The following MARCHF1 variants were observed in gnomAD, a reference collection of about 807,000 sequenced individuals.
The protein encoded by MARCHF1 is E3 ubiquitin-protein ligase MARCHF1.
A neutral mutation model predicts 54.2 loss-of-function variants in MARCHF1; 40 were observed. The observed-to-expected ratio is 0.74, with a 90% CI of 0.57 to 0.96. MARCHF1 has a LOEUF of 0.96. MARCHF1 is among the 40% of genes least tolerant of loss of function. The probability of loss-of-function intolerance (pLI) is 0.00; values close to 1 mark genes in which losing one functional copy is unlikely to be tolerated. For synonymous variants in MARCHF1, 236 were observed against 236.3 expected (o/e 1.00, Z 0.01); for missense variants, 586 against 656.5 (o/e 0.89, Z 1.17).
At position 163,701,832 on chromosome 4, in the gene MARCHF1, C is replaced by T. The variant is rs185529585; in HGVS notation, c.112-969G>A. 7.5e-3 allele frequency among the ~76,000 whole-genome samples: 950 copies of T among 126,896 alleles called. 3 individuals carry two copies. Among genetic ancestry groups the T allele is most frequent in the Middle Eastern group, 0.019 (5 of 262 alleles). 83.2% of individuals were successfully genotyped at this position (126,896 alleles called of 152,430 possible). A position where few individuals can be genotyped will look rare whatever the true frequency, so the allele number is the denominator to read the frequency against. On this transcript the variant is annotated intron_variant, in intron 4 of 9. Coordinates refer to ENST00000514618, the MANE Select transcript of MARCHF1 (RefSeq NM_001394959.1). ...GAAATAATTTACCAATGTAAGAATT[C>T]CTTTTGTTTTTTTTTTAACTTCTGG...
At chr4:164,212,959 C>T (rs1731819711) in intron 1 of MARCHF1, among the ~76,000 whole-genome samples, 2 of 152,088 alleles carry the variant, frequency 1.3e-5, no homozygotes, top group South Asian at 4.1e-4. Context: ...TGACTGTATA[C>T]ACATATTTTT....
intron 1 of MARCHF1, among the ~76,000 whole-genome samples, chr4:164,357,937 C>T (rs547863827): frequency 7.2e-5 from 11 of 152,240 alleles, no homozygotes; most frequent in Admixed American, 2.0e-4. Context: ...GTTTCAGATT[C>T]TCCCACAGAG....
At chr4:164,158,452 C>A (rs1730135078) in intron 1 of MARCHF1, among the ~76,000 whole-genome samples, 1 of 151,988 alleles carries the variant, frequency 6.6e-6, no homozygotes, top group Non-Finnish European at 1.5e-5. Context: ...ACCAGCCTGA[C>A]CAATACGATG....
rs559820503 is a variant in MARCHF1, at chr4:164,143,698, A to G, written c.-322-32036T>C. Among the ~76,000 whole-genome samples, 1,210 of 152,304 alleles carry G rather than the reference A, an allele frequency of 7.9e-3. 13 individuals are homozygous for G. The highest frequency in any genetic ancestry group is 0.025 in the African/African-American group (1,029 of 41,556). On this transcript the variant is annotated intron_variant, in intron 1 of 9. Coordinates refer to ENST00000514618, the MANE Select transcript of MARCHF1 (RefSeq NM_001394959.1). ...CGCTAAACATGGAAAGGAACAACCG[A>G]TACCAGCCGCTGCAAAATCATGCCA...
intron 1 of MARCHF1, among the ~76,000 whole-genome samples, chr4:164,283,509 A>C (rs1393018974): frequency 1.3e-5 from 2 of 151,016 alleles, no homozygotes; most frequent in African/African-American, 4.9e-5. Flanking sequence ...AGAACACCGG[A>C]AAAGGACAAG....
chr4:163,941,161 CTT>C (rs1355361193), intron 3 of MARCHF1, among the ~76,000 whole-genome samples: 4 of 152,022 alleles, frequency 2.6e-5, no homozygotes, highest in African/African-American at 9.6e-5. Context: ...AAGTCTATGT[CTT>C]TATCTAAAAT....
At chr4:163,717,349 G>C (rs1301666422) in intron 4 of MARCHF1, among the ~76,000 whole-genome samples, 17 of 151,770 alleles carry the variant, frequency 1.1e-4, no homozygotes, top group Middle Eastern at 6.8e-3. Flanking sequence ...TGGCTGCATA[G>C]TATTCCAGGG....
chr4:163,994,765 AC>A (rs1423539576), intron 2 of MARCHF1, among the ~76,000 whole-genome samples: 8 of 110,446 alleles, frequency 7.2e-5, no homozygotes, highest in African/African-American at 2.2e-4. Context: ...ACACACACAC[AC>A]ACACACACAC....
At position 163,955,223 on chromosome 4, in the gene MARCHF1, A is replaced by G. The variant is rs143188879; in HGVS notation, c.-39+33278T>C. On this transcript the variant is annotated intron_variant, in intron 3 of 9. Transcript: ENST00000514618. Reference sequence around the variant, plus strand: ...TCCTTACTGAACATTAAAAAAAAAAAAAAAAAGAAAAGAAACACAGTGTTC... The same window carrying G: ...TCCTTACTGAACATTAAAAAAAAAAGAAAAAAGAAAAGAAACACAGTGTTC... Among the ~76,000 whole-genome samples the G allele has an allele frequency of 6.5e-3, 988 of 151,176 alleles. 6 individuals carry two copies. The highest frequency in any genetic ancestry group is 0.01 in the Non-Finnish European group (697 of 67,728).
At chr4:163,888,073 T>C (rs977591883) in intron 3 of MARCHF1, among the ~76,000 whole-genome samples, 2 of 152,186 alleles carry the variant, frequency 1.3e-5, no homozygotes, top group Non-Finnish European at 2.9e-5. Flanking sequence ...AAATAGGATG[T>C]CTGCGCTTTA....
At chr4:164,139,687 T>C (rs928058491) in intron 1 of MARCHF1, among the ~76,000 whole-genome samples, 12 of 152,032 alleles carry the variant, frequency 7.9e-5, no homozygotes, top group African/African-American at 2.9e-4. Context: ...AGCGCAGGAG[T>C]AGAAAATGTC....
intron 2 of MARCHF1, among the ~76,000 whole-genome samples, chr4:164,109,221 G>A (rs1373699801): frequency 6.6e-6 from 1 of 151,862 alleles, no homozygotes; most frequent in East Asian, 1.9e-4. Context: ...TATAATCCTA[G>A]GTTTAAAAGA....
chr4:163,688,806 C>T (rs74922954), intron 5 of MARCHF1, among the ~76,000 whole-genome samples: 3,705 of 152,032 alleles, frequency 0.024, 139 homozygotes, highest in African/African-American at 0.083. Flanking sequence ...TAATGATGGA[C>T]GGATAGACTT....
At chr4:164,127,408 C>T (rs1413193466) in intron 1 of MARCHF1, among the ~76,000 whole-genome samples, 1 of 152,144 alleles carries the variant, frequency 6.6e-6, no homozygotes, top group East Asian at 1.9e-4. Flanking sequence ...CAATGGTGCT[C>T]ACTATGTTCA....
chr4:164,230,143 C>G (rs1025657272), intron 1 of MARCHF1, among the ~76,000 whole-genome samples: 1 of 152,136 alleles, frequency 6.6e-6, no homozygotes, highest in African/African-American at 2.4e-5. Context: ...TGCCTGTAAT[C>G]CCAGCACTTT....
intron 4 of MARCHF1, among the ~76,000 whole-genome samples, chr4:163,784,910 ACT>A (rs1747573467): frequency 6.6e-6 from 1 of 152,056 alleles, no homozygotes; most frequent in Non-Finnish European, 1.5e-5. Flanking sequence ...TCTCCCAAAC[ACT>A]GTCTGAGAAA....
chr4:163,716,216 A>AAAC (rs555620675), intron 4 of MARCHF1, among the ~76,000 whole-genome samples: 79 of 134,414 alleles, frequency 5.9e-4, no homozygotes, highest in Non-Finnish European at 9.6e-4. Context: ...CAATTTATGT[A>AAAC]AACAACAACA....
chr4:164,022,610 T>C (rs538419766), intron 2 of MARCHF1, among the ~76,000 whole-genome samples: 175 of 152,318 alleles, frequency 1.1e-3, no homozygotes, highest in Admixed American at 2.3e-3. Flanking sequence ...CAAAAAGATC[T>C]TCCCAGAGAG....
At chr4:163,832,320 T>C (rs111419592) in intron 4 of MARCHF1, among the ~76,000 whole-genome samples, 2,218 of 152,234 alleles carry the variant, frequency 0.015, 46 homozygotes, top group African/African-American at 0.047. Flanking sequence ...TGGCCTTTTC[T>C]CCGTGAGTTT....
Sources: gnomAD v4.1 joint callset for allele counts (sites outside exome capture counted in the v4.1 genomes callset) on GRCh38, gnomAD v4.1.1 for gene constraint, MANE v1.5 for transcripts, NCBI Gene and HGNC (gene_info 2026-07-23, HGNC 2026-07-21) for gene names.